WAC: variants seen among roughly 807,000 people sequenced by gnomAD.
WAC encodes the protein WW domain-containing adapter protein with coiled-coil.
A neutral mutation model predicts 79.6 loss-of-function variants in WAC; 11 were observed. The ratio of observed to expected loss-of-function variants is 0.14; its 90% CI spans 0.09 to 0.23. The LOEUF is 0.23. Among genes scored for constraint, WAC ranks in the 10% least tolerant of loss-of-function variants. WAC has a pLI of 1.00. For missense variants in WAC, 728 were observed against 773.5 expected, an observed-to-expected ratio of 0.94 and a Z score of 0.70; for synonymous variants, 304 against 276.9, an observed-to-expected ratio of 1.10 and a Z score of -0.97.
At position 28,583,503 on chromosome 10, in the gene WAC, G is replaced by A. The variant is rs758753574; in HGVS notation, c.379G>A (p.Ala127Thr). 6.4e-7 allele frequency: 1 copy of A among 1,555,080 alleles called. No individual in the cohort carries two copies. The highest frequency in any genetic ancestry group is 1.4e-5 in the African/African-American group (1 of 69,706). Reference sequence around the variant, plus strand: ...CAATAACCCAAGCAAAACTTCAGATGCAGTAAGTATTATAAACATGTCCAA... The same window carrying A: ...CAATAACCCAAGCAAAACTTCAGATACAGTAAGTATTATAAACATGTCCAA... ...PSNNPSKTSD[A>T]PYDSADDWSE... Residue 127 changes from alanine (A) to threonine (T), a missense_variant and splice_region_variant, in exon 4 of 14, where the codon GCA (alanine) becomes ACA (threonine). Ala to Thr is a moderately conservative substitution (Grantham distance 58). Around this residue, in one of 3 missense-constraint regions of WAC, gnomAD observed 648 missense variants for 661.5 expected, o/e 0.98. Coordinates refer to ENST00000354911, the MANE Select transcript of WAC (RefSeq NM_016628.5).
chr10:28,596,030 C>T lies in WAC; in HGVS notation c.908C>T (p.Thr303Ile), dbSNP rs1158009446. The part of the protein sequence containing the change: ...TPTSSVPAQK[T>I]ERKESTSGDK... ...ACATCTTCTGTCCCTGCACAGAAAACAGAAAGAAAAGGTATGCCATTATTA... is the reference window on the plus strand; with the variant it reads ...ACATCTTCTGTCCCTGCACAGAAAATAGAAAGAAAAGGTATGCCATTATTA... The change falls in exon 7 of 14, where the codon ACA becomes ATA. Residue 303 changes from threonine (T) to isoleucine (I), a missense_variant. Transcript: ENST00000354911. 1 of 1,613,634 alleles carries T rather than the reference C, an allele frequency of 6.2e-7. No individual in the cohort carries two copies. The highest frequency in any genetic ancestry group is 8.5e-7 in the Non-Finnish European group (1 of 1,179,764).
At chr10:28,606,045 C>A (rs1365907366) in intron 7 of WAC, among the ~76,000 whole-genome samples, 1 of 108,786 alleles carries the variant, frequency 9.2e-6, no homozygotes, top group Non-Finnish European at 1.8e-5. Flanking sequence ...TAGCTGACAG[C>A]AGTTTTTTGG....
intron 3 of WAC, among the ~76,000 whole-genome samples, chr10:28,541,488 C>T (rs111761450): frequency 8.1e-5 from 11 of 135,238 alleles, no homozygotes; most frequent in East Asian, 4.5e-4. Context: ...TGCAGTGGCA[C>T]GATCTCGATC....
intron 3 of WAC, among the ~76,000 whole-genome samples, chr10:28,560,743 A>G (rs888742325): frequency 6.6e-6 from 1 of 152,202 alleles, no homozygotes; most frequent in Admixed American, 6.5e-5. Flanking sequence ...GTCTCTTGCA[A>G]ACGTAGTAGT....
chr10:28,583,685 A>G (rs187983658), intron 4 of WAC, among the ~76,000 whole-genome samples, 180 bp downstream of exon 4: 25 of 152,270 alleles, frequency 1.6e-4, no homozygotes, highest in Admixed American at 1.6e-3. Flanking sequence ...CAATGAGCCA[A>G]GCTTATTAAT....
chr10:28,596,886 G>A (rs1840398425), intron 7 of WAC, among the ~76,000 whole-genome samples: 1 of 152,100 alleles, frequency 6.6e-6, no homozygotes, highest in South Asian at 2.1e-4. Context: ...GGCTCAAATA[G>A]TTGGATTTCT....
chr10:28,559,957 A>G (rs979940614), intron 3 of WAC, among the ~76,000 whole-genome samples: 2 of 152,188 alleles, frequency 1.3e-5, no homozygotes, highest in Non-Finnish European at 2.9e-5. Context: ...TCCTCTGAAT[A>G]GAATGACTTG....
chr10:28,605,231 T>C (rs1278067051), intron 7 of WAC, among the ~76,000 whole-genome samples: 1 of 152,248 alleles, frequency 6.6e-6, no homozygotes, highest in African/African-American at 2.4e-5. Flanking sequence ...TTTTGTTTGT[T>C]TTTAAAGTTA....
chr10:28,577,960 C>T (rs868005355), intron 3 of WAC, among the ~76,000 whole-genome samples: 3 of 151,978 alleles, frequency 2.0e-5, no homozygotes, highest in South Asian at 4.2e-4. Context: ...GACAAGAGTT[C>T]GAAAATAGCC....
chr10:28,601,705 C>A (rs1172089881), intron 7 of WAC, among the ~76,000 whole-genome samples: 1 of 152,128 alleles, frequency 6.6e-6, no homozygotes, highest in Admixed American at 6.5e-5. Flanking sequence ...ACTAACAATA[C>A]AATATTCAGC....
At chr10:28,587,315 A>G (rs993406004) in intron 4 of WAC, among the ~76,000 whole-genome samples, 2 of 152,216 alleles carry the variant, frequency 1.3e-5, no homozygotes, top group African/African-American at 4.8e-5. Context: ...AGAATTTCAT[A>G]ATTTCGTATC....
At chr10:28,611,615 G>A (rs1161405157) in intron 9 of WAC, 159 bp from the exon 10 acceptor site, 2 of 1,239,224 alleles carry the variant, frequency 1.6e-6, no homozygotes, top group African/African-American at 3.0e-5. Context: ...CCAGTGAGAA[G>A]GTCAGATTCT....
chr10:28,582,461 C>G (rs1227872638), intron 3 of WAC, among the ~76,000 whole-genome samples: 2 of 152,122 alleles, frequency 1.3e-5, no homozygotes. Flanking sequence ...CTGCTTTTAT[C>G]CACCCTGGTT....
chr10:28,544,247 G>C (rs192272882), intron 3 of WAC, among the ~76,000 whole-genome samples: 177 of 152,266 alleles, frequency 1.2e-3, no homozygotes, highest in Admixed American at 4.8e-3. Context: ...ATTAATATTT[G>C]CGTAGTGGAT....
intron 3 of WAC, among the ~76,000 whole-genome samples, chr10:28,545,041 A>T (rs902222026): frequency 8.6e-5 from 1 of 11,590 alleles, no homozygotes; most frequent in Non-Finnish European, 1.9e-4. Flanking sequence ...ACTCTGTCTC[A>T]AAAAAAAAAA....
chr10:28,611,664 TG>T (rs1236297213), intron 9 of WAC, 109 bp from the exon 10 acceptor site: 18 of 1,342,572 alleles, frequency 1.3e-5, no homozygotes, highest in Non-Finnish European at 1.6e-5. Flanking sequence ...AATATGGGGG[TG>T]GGGGGGTTTA....
chr10:28,562,364 A>G (rs1589157812), intron 3 of WAC, among the ~76,000 whole-genome samples: 1 of 152,038 alleles, frequency 6.6e-6, no homozygotes, highest in South Asian at 2.1e-4. Context: ...CCAATTTTCT[A>G]GTAGATTTTC....
intron 7 of WAC, among the ~76,000 whole-genome samples, chr10:28,606,854 A>G (rs941431615): frequency 5.3e-5 from 8 of 152,196 alleles, no homozygotes; most frequent in African/African-American, 1.9e-4. Flanking sequence ...AAATAATGCC[A>G]AATTACTTTC....
In WAC at chr10:28,595,827, A is replaced by C; in HGVS notation, c.705A>C (p.Pro235=). Residue 235 remains proline, a synonymous_variant, in exon 7 of 14, where the codon CCA becomes CCC. Transcript: ENST00000354911. ...SRHNDRDYRL[P]RAETHSSSTP... ...ACAATGACAGAGACTACAGACTGCC[A>C]AGAGCAGAGACTCACAGTAGTTCTA... 2 of 1,614,148 alleles carry C rather than the reference A, an allele frequency of 1.2e-6. No individual in the cohort carries two copies. The highest frequency in any genetic ancestry group is 1.7e-6 in the Non-Finnish European group (2 of 1,179,996).
Sources: gnomAD v4.1 joint callset for allele counts (sites outside exome capture counted in the v4.1 genomes callset) on GRCh38, gnomAD v4.1.1 for gene constraint, gnomAD v4.1.1 regional missense constraint, MANE v1.5 for transcripts, NCBI Gene and HGNC (gene_info 2026-07-23, HGNC 2026-07-21) for gene names.